The following LINGO2 variants were observed in gnomAD, a reference collection of about 807,000 sequenced individuals.
The protein encoded by LINGO2 is leucine rich repeat and Ig domain containing 2.
A neutral mutation model predicts 30.6 loss-of-function variants in LINGO2; 14 were observed. That is an observed-to-expected ratio of 0.46 (90% CI 0.30 to 0.72). The LOEUF (loss-of-function observed/expected upper bound fraction) is 0.72. Among genes scored for constraint, LINGO2 ranks in the 30% least tolerant of loss-of-function variants. The pLI, the probability that LINGO2 is intolerant of heterozygous loss-of-function variation, is 0.07. For missense variants in LINGO2, 729 were observed against 751.7 expected (o/e 0.97, Z 0.35); for synonymous variants, 317 against 288.5 (o/e 1.10, Z -1.00).
At chr9:27,949,180 A>G in exon 6 of LINGO2, 1 of 1,614,052 alleles carries the variant, frequency 6.2e-7, no homozygotes, top group East Asian at 2.2e-5. Context: ...TTCACAGTTA[A>G]GGAGGCTGTG....
chr9:28,358,355 T>C (rs1290609798), intron 3 of LINGO2, among the ~76,000 whole-genome samples: 1 of 152,170 alleles, frequency 6.6e-6, no homozygotes, highest in Non-Finnish European at 1.5e-5. Context: ...CCTCAGCCAC[T>C]GAGCAGTATC....
At chr9:28,022,786 T>G (rs1301836451) in intron 4 of LINGO2, among the ~76,000 whole-genome samples, 1 of 152,050 alleles carries the variant, frequency 6.6e-6, no homozygotes, top group Non-Finnish European at 1.5e-5. Context: ...TTCTTCTGTT[T>G]TCTCTTCTCC....
At chr9:28,964,190 C>G in the LINGO2 span, among the ~76,000 whole-genome samples, 1 of 151,714 alleles carries the variant, frequency 6.6e-6, no homozygotes, top group African/African-American at 2.4e-5. Context: ...ATTTGTGATA[C>G]AGAATATCCA....
intron 4 of LINGO2, among the ~76,000 whole-genome samples, chr9:28,217,005 TG>T (rs1216068568): frequency 2.1e-4 from 32 of 151,780 alleles, no homozygotes; most frequent in Non-Finnish European, 1.0e-4. Flanking sequence ...GTAATGCCCT[TG>T]TTTTGCATCA....
chr9:28,078,189 G>A (rs2133205208), intron 4 of LINGO2, among the ~76,000 whole-genome samples: 1 of 149,286 alleles, frequency 6.7e-6, no homozygotes, highest in Non-Finnish European at 1.5e-5. Flanking sequence ...AAGAGGAGCA[G>A]ATATTTGCGA....
chr9:28,710,565 G>T, the LINGO2 span, among the ~76,000 whole-genome samples: 2 of 151,698 alleles, frequency 1.3e-5, no homozygotes, highest in Admixed American at 6.6e-5. Context: ...CAATGGAAAG[G>T]TTTGTGCAAA....
the LINGO2 span, among the ~76,000 whole-genome samples, chr9:29,024,113 A>G: frequency 6.6e-6 from 1 of 152,062 alleles, no homozygotes; most frequent in Non-Finnish European, 1.5e-5. Flanking sequence ...AGCATCAATA[A>G]AACCCTTTAA....
chr9:28,354,133 C>T (rs1336967697), intron 3 of LINGO2, among the ~76,000 whole-genome samples: 1 of 151,560 alleles, frequency 6.6e-6, no homozygotes, highest in African/African-American at 2.4e-5. Context: ...GCACATGTAC[C>T]CTAAAACTTA....
Position 28,652,295 on chromosome 9 carries a change from A to AT in LINGO2, c.-365+17904dup, listed in dbSNP as rs147020318. ...GTCTTTTCATAGACTATTAATTGTG[A>AT]TTTTTTCTTCATTTATAAGATACCA... On this transcript the variant is annotated intron_variant, in intron 1 of 5. Coordinates refer to ENST00000379992, the Ensembl canonical transcript of LINGO2. 8.3e-3 allele frequency among the ~76,000 whole-genome samples: 1,270 copies of AT among 152,196 alleles called. 25 individuals carry two copies. The highest frequency in any genetic ancestry group is 0.029 in the African/African-American group (1,224 of 41,534).
At chr9:29,042,696 T>G in the LINGO2 span, among the ~76,000 whole-genome samples, 5 of 152,012 alleles carry the variant, frequency 3.3e-5, no homozygotes, top group Admixed American at 2.6e-4. Context: ...GCTGTTTTAA[T>G]ATATGTACAC....
Position 28,156,612 on chromosome 9 carries a change from C to T in LINGO2, c.-87+138596G>A, listed in dbSNP as rs138390732. On this transcript the variant is annotated intron_variant, in intron 4 of 5. Coordinates refer to ENST00000379992, the Ensembl canonical transcript of LINGO2. ...CCCCCAAAGTCTTAACTCATTTCAGCATTAACTCAAAAGTCCACAGTCAAA... is the reference window on the plus strand; with the variant it reads ...CCCCCAAAGTCTTAACTCATTTCAGTATTAACTCAAAAGTCCACAGTCAAA... Among the ~76,000 whole-genome samples, 739 of 152,322 alleles carry T rather than the reference C, an allele frequency of 4.9e-3. 11 individuals carry two copies. The highest frequency in any genetic ancestry group is 0.016 in the African/African-American group (673 of 41,570).
At chr9:28,783,134 C>A in the LINGO2 span, among the ~76,000 whole-genome samples, 46 of 152,242 alleles carry the variant, frequency 3.0e-4, 2 homozygotes, top group African/African-American at 1.1e-3. Context: ...GAAGATAATT[C>A]AACTTCTGGT....
intron 1 of LINGO2, among the ~76,000 whole-genome samples, chr9:28,660,577 TA>T (rs1828547581): frequency 6.6e-6 from 1 of 151,772 alleles, no homozygotes; most frequent in Non-Finnish European, 1.5e-5. Context: ...AAAATCATAA[TA>T]AAAAGCAAAA....
At chr9:28,075,383 T>A (rs1173618824) in intron 4 of LINGO2, among the ~76,000 whole-genome samples, 1 of 151,982 alleles carries the variant, frequency 6.6e-6, no homozygotes, top group Non-Finnish European at 1.5e-5. Flanking sequence ...TTACTTCCAG[T>A]TTTTATGATT....
In LINGO2 at chr9:28,248,476, T is replaced by C. The variant is rs543371120; in HGVS notation, c.-87+46732A>G. On this transcript the variant is annotated intron_variant, in intron 4 of 5. Transcript: ENST00000379992. Reference sequence around the variant, plus strand: ...CCAGTGGTTGGAATGGGTCATAGGGTGTACAGGGAAGGATATGCAGATTGT... The same window carrying C: ...CCAGTGGTTGGAATGGGTCATAGGGCGTACAGGGAAGGATATGCAGATTGT... Among the ~76,000 whole-genome samples, 168 of 152,036 alleles carry C rather than the reference T, an allele frequency of 1.1e-3. 2 individuals carry two copies. The highest frequency in any genetic ancestry group is 3.9e-3 in the African/African-American group (161 of 41,474).
chr9:29,134,412 A>G, the LINGO2 span, among the ~76,000 whole-genome samples: 1 of 152,192 alleles, frequency 6.6e-6, no homozygotes, highest in Non-Finnish European at 1.5e-5. Context: ...CTAAAATTTG[A>G]AAAATATACA....
intron 4 of LINGO2, among the ~76,000 whole-genome samples, chr9:28,151,289 T>C (rs1827993470): frequency 1.3e-5 from 2 of 152,056 alleles, no homozygotes; most frequent in African/African-American, 4.8e-5. Context: ...TAAAATCTCC[T>C]TTAATATATG....
the LINGO2 span, among the ~76,000 whole-genome samples, chr9:28,914,907 C>T: frequency 6.6e-5 from 10 of 152,104 alleles, no homozygotes; most frequent in African/African-American, 1.9e-4. Context: ...CCGAGGCAGG[C>T]GGATCACAAG....
At chr9:29,155,780 TTG>T in the LINGO2 span, among the ~76,000 whole-genome samples, 1 of 152,094 alleles carries the variant, frequency 6.6e-6, no homozygotes, top group Non-Finnish European at 1.5e-5. Context: ...AATGCTATGT[TTG>T]TGTTTCCTTT....
Sources: allele counts gnomAD v4.1 joint callset (sites outside exome capture counted in the v4.1 genomes callset), GRCh38; gene constraint gnomAD v4.1.1; transcripts MANE v1.5; gene names NCBI Gene and HGNC (gene_info 2026-07-23, HGNC 2026-07-21).